Variants in CCDC73 observed in about 807,000 individuals in gnomAD.
The protein encoded by CCDC73 is coiled-coil domain-containing protein 73.
Under a neutral mutation model 116.5 loss-of-function variants are expected in CCDC73, and 95 were observed. The observed-to-expected ratio is 0.82, with a 90% CI of 0.69 to 0.97. The LOEUF is 0.97. Among genes scored for constraint, CCDC73 ranks in the 50% least tolerant of loss-of-function variants. The pLI is 0.00. For missense variants in CCDC73, 1,066 were observed against 1,206.8 expected (o/e 0.88, Z 1.73); for synonymous variants, 398 against 401.3 (o/e 0.99, Z 0.10).
At position 32,675,623 on chromosome 11, in the gene CCDC73, TTTGA is replaced by T; in HGVS notation, c.583_586del (p.Ser195ThrfsTer7). On this transcript the variant is annotated frameshift_variant, in exon 9 of 18. Coordinates refer to ENST00000335185, the MANE Select transcript of CCDC73 (RefSeq NM_001008391.4). LOFTEE classifies it high-confidence loss of function. ...TTTATTTAAAGCTGAAAGTCTTTTG[TTTGA>T]TTGTATTGCTTCCCGTACTGCAACA... The T allele has an allele frequency of 6.3e-7, 1 of 1,593,206 alleles. No individual in the cohort carries two copies. The highest frequency in any genetic ancestry group is 2.3e-5 in the East Asian group (1 of 44,428).
At chr11:32,756,641 A>T (rs539952508) in intron 2 of CCDC73, among the ~76,000 whole-genome samples, 2 of 151,664 alleles carry the variant, frequency 1.3e-5, no homozygotes, top group African/African-American at 4.8e-5. Context: ...TAACTGAAGA[A>T]TATCTGTAGT....
chr11:32,783,233 T>C (rs1850598205), intron 1 of CCDC73, among the ~76,000 whole-genome samples: 1 of 151,980 alleles, frequency 6.6e-6, no homozygotes, highest in African/African-American at 2.4e-5. Context: ...GAAGCTAGAA[T>C]AAAGAAACTA....
At chr11:32,717,128 A>G (rs2133331544) in intron 3 of CCDC73, among the ~76,000 whole-genome samples, 1 of 152,222 alleles carries the variant, frequency 6.6e-6, no homozygotes, top group East Asian at 1.9e-4. Context: ...AATTATTTCT[A>G]GTTTGGTCTA....
At chr11:32,706,581 C>G (rs1302796112) in intron 3 of CCDC73, among the ~76,000 whole-genome samples, 1 of 152,078 alleles carries the variant, frequency 6.6e-6, no homozygotes, top group African/African-American at 2.4e-5. Flanking sequence ...GGAAAATAAT[C>G]AGTGGGCAAA....
chr11:32,744,308 G>T lies in CCDC73; in HGVS notation c.135+15801C>A, dbSNP rs557187148. On this transcript the variant is annotated intron_variant, in intron 2 of 17. Transcript: ENST00000335185. ...TTTGATGTGCTGCTGGATTTGGTTT[G>T]CCAGTATTTTATTGAGGATTTTCGC... Among the ~76,000 whole-genome samples the T allele has an allele frequency of 7.2e-5, 11 of 152,278 alleles. No individual in the cohort carries two copies. The South Asian group carries it at 1.9e-3, about 26-fold the overall frequency.
chr11:32,747,919 C>T (rs932000530), intron 2 of CCDC73, among the ~76,000 whole-genome samples: 2 of 152,226 alleles, frequency 1.3e-5, no homozygotes. Flanking sequence ...GGCGACACCC[C>T]GCTCTGCTTC....
At chr11:32,722,444 T>C (rs1849998077) in intron 2 of CCDC73, among the ~76,000 whole-genome samples, 2 of 152,176 alleles carry the variant, frequency 1.3e-5, no homozygotes, top group Middle Eastern at 3.2e-3. Context: ...TGAGGACTTA[T>C]CTGACTCACA....
chr11:32,608,040 A>G (rs1475710279), intron 17 of CCDC73, among the ~76,000 whole-genome samples: 2 of 152,120 alleles, frequency 1.3e-5, no homozygotes, highest in East Asian at 3.9e-4. Flanking sequence ...CCACGATTCT[A>G]TTACCTCCCA....
At chr11:32,769,868 T>C (rs1850476209) in intron 1 of CCDC73, among the ~76,000 whole-genome samples, 1 of 152,228 alleles carries the variant, frequency 6.6e-6, no homozygotes, top group Non-Finnish European at 1.5e-5. Context: ...CATTACAATA[T>C]GTAACTATTT....
intron 2 of CCDC73, among the ~76,000 whole-genome samples, chr11:32,755,787 A>C (rs868337739): frequency 2.5e-5 from 3 of 119,846 alleles, no homozygotes; most frequent in Non-Finnish European, 4.8e-5. Context: ...ATATATATAT[A>C]TCTCCATATA....
intron 14 of CCDC73, among the ~76,000 whole-genome samples, chr11:32,633,936 GTCTT>G (rs1254562496): frequency 6.6e-6 from 1 of 152,104 alleles, no homozygotes; most frequent in Non-Finnish European, 1.5e-5. Flanking sequence ...TTGCTAGGAG[GTCTT>G]TCTAAGTACA....
At chr11:32,670,647 CTT>C (rs900329460) in intron 9 of CCDC73, among the ~76,000 whole-genome samples, 3 of 152,066 alleles carry the variant, frequency 2.0e-5, no homozygotes, top group African/African-American at 7.2e-5. Context: ...GATAAAATGG[CTT>C]TTAATTCTCT....
chr11:32,624,077 C>A (rs772810775), intron 14 of CCDC73, among the ~76,000 whole-genome samples: 4 of 151,824 alleles, frequency 2.6e-5, no homozygotes, highest in Non-Finnish European at 4.4e-5. Flanking sequence ...TGGCTCAAGT[C>A]TGTAATCCCA....
At chr11:32,688,697 C>A (rs1307653202) in intron 6 of CCDC73, among the ~76,000 whole-genome samples, 3 of 152,096 alleles carry the variant, frequency 2.0e-5, no homozygotes, top group Admixed American at 6.6e-5. Flanking sequence ...AAAATAAGTT[C>A]TTTGTATTGT....
chr11:32,647,149 G>T lies in CCDC73; in HGVS notation c.940-5067C>A, dbSNP rs143617307. On this transcript the variant is annotated intron_variant, in intron 12 of 17. Transcript: ENST00000335185. ...TGAGACTGGGTAATTTATAAGAAAA[G>T]AAGTTTAATTGGCCCATGGTTCTGC... 1.9e-3 allele frequency among the ~76,000 whole-genome samples: 288 copies of T among 152,276 alleles called. 1 individual carries two copies. The highest frequency in any genetic ancestry group is 6.5e-3 in the African/African-American group (272 of 41,558).
intron 14 of CCDC73, among the ~76,000 whole-genome samples, chr11:32,618,738 G>C (rs1234997723): frequency 6.6e-6 from 1 of 152,086 alleles, no homozygotes; most frequent in Admixed American, 6.6e-5. Context: ...TTTTAGTAGA[G>C]ATGGGGTTTT....
At chr11:32,695,700 T>C (rs1201950670) in intron 6 of CCDC73, among the ~76,000 whole-genome samples, 3 of 151,206 alleles carry the variant, frequency 2.0e-5, no homozygotes, top group African/African-American at 7.3e-5. Context: ...TAACTATAAG[T>C]GTGTGGCTTC....
At position 32,643,826 on chromosome 11, in the gene CCDC73, A is replaced by AT. The variant is rs1855753842; in HGVS notation, c.940-1745dup. Among the ~76,000 whole-genome samples, 3 of 152,024 alleles carry AT rather than the reference A, an allele frequency of 2.0e-5. No individual in the cohort carries two copies. In the South Asian group the frequency reaches 6.2e-4, roughly 32 times the overall value. ...ACTTAGGCTACACTAAATTTTTTTA[A>AT]TTTTTTCTTTCTTCAATAATAAATC... On this transcript the variant is annotated intron_variant, in intron 12 of 17. Coordinates refer to ENST00000335185, the MANE Select transcript of CCDC73 (RefSeq NM_001008391.4).
At chr11:32,722,195 T>C (rs1809519823) in intron 2 of CCDC73, among the ~76,000 whole-genome samples, 1 of 152,218 alleles carries the variant, frequency 6.6e-6, no homozygotes, top group South Asian at 2.1e-4. Context: ...ATTTTCATCA[T>C]GCTTTCCACC....
Sources: allele counts gnomAD v4.1 joint callset (sites outside exome capture counted in the v4.1 genomes callset), GRCh38; gene constraint gnomAD v4.1.1; transcripts MANE v1.5; gene names NCBI Gene and HGNC (gene_info 2026-07-23, HGNC 2026-07-21).